Variants in CADM2 observed in about 807,000 individuals in gnomAD.
CADM2 encodes the protein cell adhesion molecule 2.
A neutral mutation model predicts 49.8 loss-of-function variants in CADM2; 12 were observed. The ratio of observed to expected loss-of-function variants is 0.24; its 90% confidence interval spans 0.15 to 0.39. CADM2 has a LOEUF of 0.39. Ranked by LOEUF, CADM2 falls within the 10% of genes least tolerant of loss-of-function variation. The pLI is 1.00. For missense variants in CADM2, 378 were observed against 492.3 expected (o/e 0.77, Z 2.20); for synonymous variants, 214 against 175.4 (o/e 1.22, Z -1.74).
At chr3:85,664,146 A>AAGTCTAG (rs1241135447) in intron 1 of CADM2, among the ~76,000 whole-genome samples, 1 of 151,914 alleles carries the variant, frequency 6.6e-6, no homozygotes, top group Non-Finnish European at 1.5e-5. Context: ...GACTTTGGCT[A>AAGTCTAG]AGTCCCTGGA....
intron 1 of CADM2, among the ~76,000 whole-genome samples, chr3:85,639,285 A>C (rs1559959618): frequency 6.6e-6 from 1 of 152,214 alleles, no homozygotes; most frequent in South Asian, 2.1e-4. Flanking sequence ...TCAGAAGTAG[A>C]TGTATGTGAA....
chr3:85,369,232 G>A (rs568846759), intron 1 of CADM2, among the ~76,000 whole-genome samples: 2 of 152,284 alleles, frequency 1.3e-5, no homozygotes, highest in South Asian at 4.1e-4. Flanking sequence ...GTACCACAGT[G>A]CTCATGTAGT....
At chr3:85,596,737 G>A (rs1036778247) in intron 1 of CADM2, among the ~76,000 whole-genome samples, 2 of 152,020 alleles carry the variant, frequency 1.3e-5, no homozygotes, top group African/African-American at 4.8e-5. Context: ...TGATTTCACA[G>A]TAGAATTATT....
chr3:85,605,653 A>G (rs2107422360), intron 1 of CADM2, among the ~76,000 whole-genome samples: 1 of 152,118 alleles, frequency 6.6e-6, no homozygotes, highest in South Asian at 2.1e-4. Context: ...CCTCATGAGG[A>G]ATCATAGCTC....
intron 1 of CADM2, among the ~76,000 whole-genome samples, chr3:85,439,373 G>A (rs1447819744): frequency 1.3e-5 from 2 of 151,676 alleles, no homozygotes; most frequent in South Asian, 2.1e-4. Context: ...GGCTGGTCTC[G>A]GACTCCTGAC....
At position 86,058,899 on chromosome 3, in the gene CADM2, G is replaced by A. The variant is rs556135536; in HGVS notation, c.971-6706G>A. ...ACCTGAGGTCAGCAGTTCAAGACCA[G>A]CCTGGTCAACCTGGTGAAACCCTGT... On this transcript the variant is annotated intron_variant, in intron 8 of 9. Transcript: ENST00000383699. Among the ~76,000 whole-genome samples the A allele has an allele frequency of 2.0e-5, 3 of 152,008 alleles. No homozygotes were observed. In the South Asian group the frequency reaches 6.2e-4, roughly 32 times the overall value.
chr3:85,250,229 C>G (rs929679026), intron 1 of CADM2, among the ~76,000 whole-genome samples: 9 of 151,532 alleles, frequency 5.9e-5, no homozygotes, highest in African/African-American at 2.2e-4. Context: ...TACAAACAGC[C>G]TCTTGTCCTT....
At chr3:85,135,170 A>C (rs1045148392) in intron 1 of CADM2, among the ~76,000 whole-genome samples, 7 of 152,004 alleles carry the variant, frequency 4.6e-5, no homozygotes, top group African/African-American at 1.7e-4. Context: ...AGCAAACAAA[A>C]ACATTTGGTG....
At chr3:85,898,311 T>C (rs1221072729) in intron 5 of CADM2, among the ~76,000 whole-genome samples, 2 of 152,070 alleles carry the variant, frequency 1.3e-5, no homozygotes, top group African/African-American at 4.8e-5. Context: ...CAAAAATCAA[T>C]ATATAGATAT....
intron 1 of CADM2, among the ~76,000 whole-genome samples, chr3:85,621,025 A>G (rs897247426): frequency 6.6e-6 from 1 of 152,128 alleles, no homozygotes; most frequent in African/African-American, 2.4e-5. Flanking sequence ...TTAAACAGAA[A>G]ATAAAGCTCA....
At chr3:85,666,652 C>A (rs1286146958) in intron 1 of CADM2, among the ~76,000 whole-genome samples, 1 of 151,906 alleles carries the variant, frequency 6.6e-6, no homozygotes, top group Non-Finnish European at 1.5e-5. Context: ...CCGAGGGGAA[C>A]TTAGAGAGGC....
intron 8 of CADM2, among the ~76,000 whole-genome samples, chr3:85,970,475 C>G (rs187013093): frequency 1.3e-5 from 2 of 151,524 alleles, no homozygotes; most frequent in Non-Finnish European, 3.0e-5. Flanking sequence ...TGGACCTATT[C>G]ATTAATATGC....
intron 1 of CADM2, among the ~76,000 whole-genome samples, chr3:84,999,862 A>G (rs894792672): frequency 6.6e-6 from 1 of 152,158 alleles, no homozygotes; most frequent in Non-Finnish European, 1.5e-5. Context: ...ACGTGTTTGT[A>G]TATAAGACCA....
chr3:85,869,854 A>G (rs770175622), intron 3 of CADM2, among the ~76,000 whole-genome samples: 14 of 151,974 alleles, frequency 9.2e-5, no homozygotes, highest in South Asian at 2.1e-4. Context: ...GTAGAGACGG[A>G]GTTTCACCAT....
chr3:85,999,266 A>AGTG (rs1559791795), intron 8 of CADM2, among the ~76,000 whole-genome samples: 1 of 104,318 alleles, frequency 9.6e-6, no homozygotes, highest in East Asian at 3.4e-4. Flanking sequence ...TGGGAGGCCG[A>AGTG]GGGTTGGGGG....
chr3:85,780,247 A>G (rs903716503), intron 2 of CADM2, among the ~76,000 whole-genome samples: 3 of 152,220 alleles, frequency 2.0e-5, no homozygotes, highest in African/African-American at 7.2e-5. Flanking sequence ...CGTACTGGAC[A>G]GGCAATGATA....
intron 1 of CADM2, among the ~76,000 whole-genome samples, chr3:85,283,442 T>C (rs1576277410): frequency 6.6e-6 from 1 of 152,026 alleles, no homozygotes; most frequent in South Asian, 2.1e-4. Flanking sequence ...ATTGTATATG[T>C]ATTATACATG....
At chr3:84,973,661 A>T (rs1040037402) in intron 1 of CADM2, among the ~76,000 whole-genome samples, 8 of 152,166 alleles carry the variant, frequency 5.3e-5, no homozygotes, top group African/African-American at 1.7e-4. Context: ...TAGTTTTTTT[A>T]GACCTAGAGT....
At chr3:85,412,573 C>A (rs2035705653) in intron 1 of CADM2, among the ~76,000 whole-genome samples, 1 of 149,764 alleles carries the variant, frequency 6.7e-6, no homozygotes, top group Admixed American at 6.7e-5. Flanking sequence ...GCATTACCAA[C>A]TAATAGAAAA....
Sources: allele counts gnomAD v4.1 joint callset (sites outside exome capture counted in the v4.1 genomes callset), GRCh38; gene constraint gnomAD v4.1.1; transcripts MANE v1.5; gene names NCBI Gene and HGNC (gene_info 2026-07-23, HGNC 2026-07-21).